SPOP: variants seen among roughly 807,000 people sequenced by gnomAD.
SPOP encodes the protein speckle type BTB/POZ protein.
In SPOP, 11 loss-of-function variants were observed where a neutral mutation model predicts 45.6. That is an observed-to-expected ratio of 0.24 (90% CI 0.15 to 0.40). The LOEUF (loss-of-function observed/expected upper bound fraction) is 0.40. Among genes scored for constraint, SPOP ranks in the 10% least tolerant of loss-of-function variants. The pLI, the probability that SPOP is intolerant of heterozygous loss-of-function variation, is 1.00. For missense variants in SPOP, 152 were observed against 465.6 expected (o/e 0.33, Z 6.20); for synonymous variants, 166 against 166.3 (o/e 1.00, Z 0.01).
At chr17:49,660,506 C>A (rs969545283) in intron 1 of SPOP, among the ~76,000 whole-genome samples, 2 of 152,108 alleles carry the variant, frequency 1.3e-5, no homozygotes, top group African/African-American at 4.8e-5. Context: ...ATCTTGTTTG[C>A]TGCCTGAATA....
At chr17:49,610,504 C>G (rs888782056) in intron 6 of SPOP, among the ~76,000 whole-genome samples, 1 of 152,188 alleles carries the variant, frequency 6.6e-6, no homozygotes, top group Non-Finnish European at 1.5e-5. Context: ...CAGGCATGAG[C>G]CACCGCGCCC....
At chr17:49,666,552 G>A (rs1429874638) in intron 1 of SPOP, among the ~76,000 whole-genome samples, 2 of 151,784 alleles carry the variant, frequency 1.3e-5, no homozygotes, top group African/African-American at 4.8e-5. Flanking sequence ...TCAAGGCCGG[G>A]CACAGTGGCT....
intron 1 of SPOP, among the ~76,000 whole-genome samples, chr17:49,658,201 TATAA>T: frequency 6.6e-6 from 1 of 152,348 alleles, no homozygotes; most frequent in South Asian, 2.1e-4. Context: ...TTTTTATAGA[TATAA>T]ATATCTACAT....
At chr17:49,665,649 G>GACACACACTCAC (rs2073046169) in intron 1 of SPOP, among the ~76,000 whole-genome samples, 1 of 126,722 alleles carries the variant, frequency 7.9e-6, no homozygotes, top group Non-Finnish European at 1.6e-5. Flanking sequence ...TATATATACA[G>GACACACACTCAC]ACACACACAC....
chr17:49,625,466 G>C (rs577838993), intron 1 of SPOP, among the ~76,000 whole-genome samples: 9 of 152,186 alleles, frequency 5.9e-5, no homozygotes, highest in South Asian at 4.2e-4. Flanking sequence ...AAATTAGCTG[G>C]CTGTGGTGGC....
At chr17:49,659,362 C>T (rs2072956802) in intron 1 of SPOP, among the ~76,000 whole-genome samples, 1 of 152,250 alleles carries the variant, frequency 6.6e-6, no homozygotes, top group Non-Finnish European at 1.5e-5. Flanking sequence ...CAATCACTAC[C>T]TGTTTTCCCA....
chr17:49,624,331 G>GCGCGCGCACACACACA (rs71352523), intron 1 of SPOP, among the ~76,000 whole-genome samples: 5 of 149,306 alleles, frequency 3.3e-5, no homozygotes, highest in African/African-American at 1.2e-4. Context: ...GCGCGCGCGC[G>GCGCGCGCACACACACA]CACACACACA....
chr17:49,666,446 CAG>C (rs1422656681), intron 1 of SPOP, among the ~76,000 whole-genome samples: 105 of 82,842 alleles, frequency 1.3e-3, no homozygotes, highest in Non-Finnish European at 3.2e-4. Flanking sequence ...TTCATGAAGA[CAG>C]ACACACACAC....
chr17:49,624,270 C>A (rs1229136318), intron 1 of SPOP, among the ~76,000 whole-genome samples: 1 of 151,144 alleles, frequency 6.6e-6, no homozygotes, highest in Non-Finnish European at 1.5e-5. Flanking sequence ...TGGAAGTTTG[C>A]CAGAAGAGAT....
intron 1 of SPOP, among the ~76,000 whole-genome samples, chr17:49,658,979 A>G (rs2072951284): frequency 6.6e-6 from 1 of 152,250 alleles, no homozygotes; most frequent in Non-Finnish European, 1.5e-5. Flanking sequence ...GAAGGAGAGA[A>G]GAGTTAAAAT....
intron 1 of SPOP, among the ~76,000 whole-genome samples, chr17:49,648,761 ATTT>A (rs1567794992): frequency 6.6e-6 from 1 of 151,712 alleles, no homozygotes; most frequent in Admixed American, 6.6e-5. Context: ...TTGGATGTAA[ATTT>A]TTTTTCTTTT....
At position 49,620,749 on chromosome 17, in the gene SPOP, G is replaced by A. The variant is rs369339046; in HGVS notation, c.200+1197C>T. On this transcript the variant is annotated intron_variant, in intron 3 of 9. Transcript: ENST00000504102. Reference sequence around the variant, plus strand: ...TAAATGTCATTAGTCAAATGCATGGGTTTCAGGCACTGCTTCTACCACATG... The same window carrying A: ...TAAATGTCATTAGTCAAATGCATGGATTTCAGGCACTGCTTCTACCACATG... The A allele has an allele frequency of 5.2e-5, 8 of 154,118 alleles. No individual in the cohort carries two copies. In the East Asian group the frequency reaches 7.7e-4, roughly 15 times the overall value. 9.5% of individuals were successfully genotyped at this position (154,118 alleles called of 1,614,324 possible). A position where few individuals can be genotyped will look rare whatever the true frequency, so the allele number is the denominator to read the frequency against.
intron 1 of SPOP, among the ~76,000 whole-genome samples, chr17:49,661,094 C>A (rs866372766): frequency 1.6e-4 from 25 of 152,156 alleles, no homozygotes; most frequent in African/African-American, 4.8e-4. Context: ...ATGAGGCTCA[C>A]CATTATACAA....
At chr17:49,666,550 G>C (rs530617521) in intron 1 of SPOP, among the ~76,000 whole-genome samples, 1 of 151,426 alleles carries the variant, frequency 6.6e-6, no homozygotes, top group Admixed American at 6.6e-5. Context: ...ACTCAAGGCC[G>C]GGCACAGTGG....
intron 1 of SPOP, among the ~76,000 whole-genome samples, chr17:49,647,187 T>C (rs2072772009): frequency 6.6e-6 from 1 of 151,030 alleles, no homozygotes; most frequent in African/African-American, 2.4e-5. Flanking sequence ...TCCCAGCTAA[T>C]CGGAAGGCTG....
chr17:49,625,265 C>T (rs1160654794), intron 1 of SPOP, among the ~76,000 whole-genome samples: 2 of 152,172 alleles, frequency 1.3e-5, no homozygotes, highest in Non-Finnish European at 2.9e-5. Context: ...GAATAGATAA[C>T]TAATTTGTAT....
Position 49,607,229 on chromosome 17 carries a change from AT to A in SPOP, c.837+20del. 6.2e-7 allele frequency: 1 copy of A among 1,613,972 alleles called. No homozygotes were observed. Among genetic ancestry groups the A allele is most frequent in the African/African-American group, 1.3e-5 (1 of 75,042 alleles). ...GTCACAATAACTCCTAGTCCTGATT[AT>A]TTTTCTATTCTTATCTTACCTTGTC... On this transcript the variant is annotated intron_variant, in intron 8 of 9. Transcript: ENST00000504102.
At chr17:49,603,692 C>T (rs570886875) in intron 8 of SPOP, among the ~76,000 whole-genome samples, 2 of 152,110 alleles carry the variant, frequency 1.3e-5, no homozygotes, top group African/African-American at 2.4e-5. Flanking sequence ...CTAAAACTCA[C>T]GAAGAGGTGT....
intron 1 of SPOP, among the ~76,000 whole-genome samples, chr17:49,665,690 ACAC>A (rs2073048551): frequency 1.4e-5 from 2 of 138,522 alleles, no homozygotes; most frequent in South Asian, 4.6e-4. Context: ...ACACACACAC[ACAC>A]ACCAATCTGG....
Sources: allele counts gnomAD v4.1 joint callset (sites outside exome capture counted in the v4.1 genomes callset), GRCh38; gene constraint gnomAD v4.1.1; transcripts MANE v1.5; gene names NCBI Gene and HGNC (gene_info 2026-07-23, HGNC 2026-07-21).